Variants in CCAR1 observed in about 807,000 individuals in gnomAD.
CCAR1 encodes the protein cell division cycle and apoptosis regulator protein 1.
A neutral mutation model predicts 163.8 loss-of-function variants in CCAR1; 78 were observed. The observed-to-expected ratio is 0.48, with a 90% CI of 0.40 to 0.57. The LOEUF is 0.57. CCAR1 is among the 20% of genes least tolerant of loss of function. CCAR1 has a pLI of 0.00. For missense variants in CCAR1, 1,019 were observed against 1,365.2 expected (o/e 0.75, Z 4.00); for synonymous variants, 443 against 460.7 (o/e 0.96, Z 0.49).
intron 4 of CCAR1, among the ~76,000 whole-genome samples, chr10:68,739,470 C>T (rs1178468513): frequency 6.6e-6 from 1 of 152,080 alleles, no homozygotes. Context: ...TTTATGGCTG[C>T]AGAGGCTTCT....
intron 2 of CCAR1, among the ~76,000 whole-genome samples, chr10:68,722,948 T>G (rs1388340415): frequency 6.6e-6 from 1 of 151,802 alleles, no homozygotes; most frequent in South Asian, 2.1e-4. Context: ...ACAACATGAA[T>G]TAGGCTGTTC....
In CCAR1 at chr10:68,728,630, A is replaced by G. The variant is rs78163261; in HGVS notation, c.73+6053A>G. Among the ~76,000 whole-genome samples, 380 of 152,270 alleles carry G rather than the reference A, an allele frequency of 2.5e-3. 1 individual carries two copies. The highest frequency in any genetic ancestry group is 8.8e-3 in the African/African-American group (364 of 41,556). ...TATAGAGAGTATAAGAACCTCATAT[A>G]ACAATAAGGCTTTTCCTTTTCCTTA... On this transcript the variant is annotated intron_variant, in intron 2 of 24. Coordinates refer to ENST00000265872, the MANE Select transcript of CCAR1 (RefSeq NM_018237.4).
At chr10:68,786,837 CAGGT>C in intron 21 of CCAR1, 145 bp downstream of exon 21, 3 of 630,506 alleles carry the variant, frequency 4.8e-6, no homozygotes, top group Non-Finnish European at 7.7e-6. Context: ...ATAATCCCAG[CAGGT>C]TGGGAGGCTG....
intron 2 of CCAR1, among the ~76,000 whole-genome samples, chr10:68,734,650 T>C (rs556852361): frequency 6.6e-6 from 1 of 152,310 alleles, no homozygotes; most frequent in South Asian, 2.1e-4. Flanking sequence ...TTAATTCAAC[T>C]GAATTACTTA....
chr10:68,748,973 C>T (rs765583847), intron 8 of CCAR1, among the ~76,000 whole-genome samples, 163 bp from the exon 9 acceptor site: 16 of 152,144 alleles, frequency 1.1e-4, no homozygotes, highest in Non-Finnish European at 1.3e-4. Context: ...CCACCGCAGC[C>T]GGCCAGTACC....
intron 19 of CCAR1, chr10:68,774,976 A>G: frequency 2.6e-6 from 1 of 381,214 alleles, no homozygotes; most frequent in Non-Finnish European, 5.0e-6. Context: ...AATTACTTTT[A>G]TTTACGGTAT....
intron 10 of CCAR1, among the ~76,000 whole-genome samples, chr10:68,750,113 T>G (rs936691442): frequency 9.9e-5 from 15 of 152,210 alleles, no homozygotes; most frequent in African/African-American, 3.4e-4. Flanking sequence ...ACATAATGTA[T>G]TCACATGTAT....
At chr10:68,775,497 C>CTTTTTTTTTT (rs58856212) in intron 19 of CCAR1, among the ~76,000 whole-genome samples, 1 of 117,986 alleles carries the variant, frequency 8.5e-6, no homozygotes, top group Non-Finnish European at 1.8e-5. Context: ...GCCTCATTTT[C>CTTTTTTTTTT]TTTTTTTTTT....
In CCAR1 at chr10:68,756,573, A is replaced by G; in HGVS notation, c.1836+90A>G. 2.0e-6 allele frequency: 2 copies of G among 993,332 alleles called. No homozygotes were observed. Among genetic ancestry groups the G allele is most frequent in the African/African-American group, 1.6e-5 (1 of 62,496 alleles). The allele number at this position is 993,332 out of a possible 1,614,324, so 61.5% of individuals were successfully genotyped here. On this transcript the variant is annotated intron_variant, in intron 14 of 24. Coordinates refer to ENST00000265872, the MANE Select transcript of CCAR1 (RefSeq NM_018237.4). This position sits in a 1 kb window ranked among gnomAD's most constrained non-coding sequence, Gnocchi z 5.1. ...GCACACCACACACTACATAATAAAC[A>G]CACATGGAGGAACATAACTGGTAAC...
At chr10:68,786,058 AAC>A (rs1184669228) in intron 19 of CCAR1, 76 bp from the exon 20 acceptor site, 11 of 919,498 alleles carry the variant, frequency 1.2e-5, no homozygotes, top group African/African-American at 6.6e-5. Flanking sequence ...TAGCTGGGAT[AAC>A]AGTCATGTGC....
Position 68,771,250 on chromosome 10 carries a change from T to C in CCAR1, c.2343T>C (p.Asp781=), listed in dbSNP as rs1262037846. ...TTTTCAACGAAATGCTTCAAAGAGA[T>C]TTTGGTGTCCGTATATACAAATCAT... ...AELFNEMLQR[D]FGVRIYKSLL... The change falls in exon 18 of 25, where the codon GAT becomes GAC. Residue 781 remains aspartate (D), a synonymous_variant. Coordinates refer to ENST00000265872, the MANE Select transcript of CCAR1 (RefSeq NM_018237.4). 1.9e-6 allele frequency: 3 copies of C among 1,596,494 alleles called. No homozygotes were observed. Among genetic ancestry groups the C allele is most frequent in the Non-Finnish European group, 2.6e-6 (3 of 1,175,154 alleles).
chr10:68,722,610 T>C (rs777397214), intron 2 of CCAR1, 33 bp downstream of exon 2: 4 of 1,519,642 alleles, frequency 2.6e-6, no homozygotes, highest in Middle Eastern at 3.4e-4. Context: ...CTGTAATTGT[T>C]TGTGGGGGAC....
intron 2 of CCAR1, among the ~76,000 whole-genome samples, chr10:68,733,634 T>C (rs534439769): frequency 7.9e-5 from 12 of 152,118 alleles, no homozygotes; most frequent in African/African-American, 1.9e-4. Context: ...CAAGACCCCA[T>C]CTCTATTATA....
intron 15 of CCAR1, among the ~76,000 whole-genome samples, chr10:68,759,575 T>A (rs1325144709): frequency 1.3e-5 from 2 of 148,814 alleles, no homozygotes; most frequent in Non-Finnish European, 3.0e-5. Flanking sequence ...AAAAAAAAAA[T>A]TAGCTGAGCA....
intron 17 of CCAR1, 80 bp downstream of exon 17, chr10:68,766,159 T>C (rs990437435): frequency 6.6e-6 from 6 of 911,078 alleles, no homozygotes; most frequent in African/African-American, 1.7e-5. Flanking sequence ...CTCTGAAATC[T>C]TTTTTCTTTG....
chr10:68,739,684 C>G (rs1193015692), intron 4 of CCAR1, among the ~76,000 whole-genome samples: 1 of 152,114 alleles, frequency 6.6e-6, no homozygotes, highest in African/African-American at 2.4e-5. Context: ...TTTTAGTGCT[C>G]TTATGAAATA....
At chr10:68,728,493 T>C (rs2055982216) in intron 2 of CCAR1, among the ~76,000 whole-genome samples, 1 of 152,134 alleles carries the variant, frequency 6.6e-6, no homozygotes, top group South Asian at 2.1e-4. Flanking sequence ...CTAAGGGGAT[T>C]GGCCAACAGT....
chr10:68,755,450 A>C lies in CCAR1; in HGVS notation c.1539A>C (p.Pro513=), dbSNP rs767005196. The C allele has an allele frequency of 1.2e-6, 2 of 1,614,116 alleles. No individual in the cohort carries two copies. Among genetic ancestry groups the C allele is most frequent in the Non-Finnish European group, 1.7e-6 (2 of 1,180,026 alleles). Residue 513 remains proline, a synonymous_variant, in exon 13 of 25, where the codon CCA becomes CCC. Transcript: ENST00000265872. ...CTCCTTCGTTGGATGGACCAGACCC[A>C]GAAAAAGATCCCTCTGTGTTGATTA... ...HWSPSLDGPD[P]EKDPSVLIKT... is the part of the protein sequence containing the mutation.
At chr10:68,791,133 T>G (rs548694448) in intron 24 of CCAR1, 74 bp from the exon 25 acceptor site, 6 of 833,976 alleles carry the variant, frequency 7.2e-6, no homozygotes, top group African/African-American at 5.3e-5. Context: ...CTGAATACCA[T>G]TGTACTCTAA....
Sources: gnomAD v4.1 joint callset for allele counts (sites outside exome capture counted in the v4.1 genomes callset) on GRCh38, gnomAD v4.1.1 for gene constraint, Gnocchi (gnomAD v3.1) non-coding constraint, MANE v1.5 for transcripts, NCBI Gene and HGNC (gene_info 2026-07-23, HGNC 2026-07-21) for gene names.